Variants in RBFOX1 observed in about 807,000 individuals in gnomAD.
RBFOX1 encodes the protein RNA binding fox-1 homolog 1, also known as RNA binding protein fox-1 homolog 1.
RBFOX1 carries 8 observed loss-of-function variants against 57.7 expected under a neutral mutation model. The observed-to-expected ratio is 0.14, with a 90% CI of 0.08 to 0.25. The LOEUF is 0.25. RBFOX1 is among the 10% of genes least tolerant of loss of function. RBFOX1 has a pLI of 1.00. For synonymous variants in RBFOX1, 326 were observed against 222.4 expected (o/e 1.47, Z -4.15); for missense variants, 611 against 548.5 (o/e 1.11, Z -1.14).
intron 2 of RBFOX1, among the ~76,000 whole-genome samples, chr16:6,552,069 G>C (rs947817756): frequency 3.9e-5 from 6 of 152,168 alleles, no homozygotes; most frequent in Non-Finnish European, 8.8e-5. Flanking sequence ...CTTGGTAACA[G>C]GTTATGCTTT....
At chr16:7,073,748 A>T (rs1216599303) in intron 4 of RBFOX1, among the ~76,000 whole-genome samples, 1 of 152,140 alleles carries the variant, frequency 6.6e-6, no homozygotes, top group Non-Finnish European at 1.5e-5. Context: ...CCTTGGTACC[A>T]GTTACTCAGG....
At chr16:7,527,462 TC>T (rs2078958807) in intron 5 of RBFOX1, among the ~76,000 whole-genome samples, 1 of 152,146 alleles carries the variant, frequency 6.6e-6, no homozygotes, top group South Asian at 2.1e-4. Context: ...TGTTTGACGT[TC>T]TTTTTTGGAC....
chr16:5,377,596 G>C (rs137974446), intron 1 of RBFOX1, among the ~76,000 whole-genome samples: 2 of 150,678 alleles, frequency 1.3e-5, no homozygotes, highest in East Asian at 3.9e-4. Context: ...GGGAGAGAGA[G>C]AGAAAGAACA....
intron 2 of RBFOX1, among the ~76,000 whole-genome samples, chr16:6,590,035 C>T (rs2345606): frequency 0.95 from 144,198 of 152,180 alleles, 68,836 homozygotes; most frequent in East Asian, 1. Flanking sequence ...TTGGGGATCT[C>T]TTGGCCAAAA....
At chr16:7,414,881 A>G (rs565399166) in intron 4 of RBFOX1, among the ~76,000 whole-genome samples, 2 of 152,302 alleles carry the variant, frequency 1.3e-5, no homozygotes, top group East Asian at 3.9e-4. Context: ...GCCTTCTAAA[A>G]TGCTGGGATT....
At chr16:6,557,078 T>C (rs1049767387) in intron 2 of RBFOX1, among the ~76,000 whole-genome samples, 40 of 147,096 alleles carry the variant, frequency 2.7e-4, no homozygotes, top group Non-Finnish European at 4.2e-4. Flanking sequence ...CATATATACA[T>C]ATATACATAC....
intron 1 of RBFOX1, among the ~76,000 whole-genome samples, chr16:5,266,308 C>T (rs530195890): frequency 6.6e-6 from 1 of 152,210 alleles, no homozygotes; most frequent in African/African-American, 2.4e-5. Flanking sequence ...GATGCAGTAA[C>T]ACAACTCCCC....
At chr16:5,390,977 A>G (rs557362467) in intron 1 of RBFOX1, among the ~76,000 whole-genome samples, 62 of 152,266 alleles carry the variant, frequency 4.1e-4, no homozygotes, top group African/African-American at 8.2e-4. Context: ...AGCTAGACCA[A>G]TCCTGATGCT....
chr16:5,433,888 G>A (rs1110474), intron 1 of RBFOX1, among the ~76,000 whole-genome samples: 3 of 152,116 alleles, frequency 2.0e-5, no homozygotes, highest in East Asian at 1.9e-4. Flanking sequence ...GACCGAGGAC[G>A]TTAGAGACAA....
chr16:6,994,700 A>T (rs1210101222), intron 3 of RBFOX1, among the ~76,000 whole-genome samples: 1 of 152,196 alleles, frequency 6.6e-6, no homozygotes, highest in Non-Finnish European at 1.5e-5. Context: ...TCCTGGTTGT[A>T]TTCTGAAAGT....
At chr16:5,913,320 A>T (rs9934204) in intron 4 of RBFOX1, among the ~76,000 whole-genome samples, 6,969 of 152,260 alleles carry the variant, frequency 0.046, 572 homozygotes, top group African/African-American at 0.16. Flanking sequence ...TTGAATATTC[A>T]TCCCCTCCAA....
Position 6,355,805 on chromosome 16 carries a change from T to C in RBFOX1, c.-64+38748T>C, listed in dbSNP as rs932114785. 2.0e-5 allele frequency among the ~76,000 whole-genome samples: 3 copies of C among 152,244 alleles called. No homozygotes were observed. In the East Asian group the frequency reaches 5.8e-4, roughly 29 times the overall value. On this transcript the variant is annotated intron_variant, in intron 2 of 15. Coordinates refer to ENST00000550418, the MANE Select transcript of RBFOX1 (RefSeq NM_018723.4). ...ATCCTCTCCAGCTTCTTTTGTTTCC[T>C]GACTTTTTAATGTTCGCCCTTCGTA...
intron 2 of RBFOX1, among the ~76,000 whole-genome samples, chr16:6,466,291 T>A (rs906753675): frequency 2.6e-5 from 4 of 152,166 alleles, no homozygotes; most frequent in Non-Finnish European, 5.9e-5. Context: ...TATAATATTC[T>A]TGACTGCATC....
chr16:7,253,097 G>C (rs966800977), intron 4 of RBFOX1, among the ~76,000 whole-genome samples: 1 of 152,084 alleles, frequency 6.6e-6, no homozygotes, highest in Non-Finnish European at 1.5e-5. Context: ...AGCATCACTG[G>C]ACACAGCAAA....
intron 2 of RBFOX1, among the ~76,000 whole-genome samples, chr16:6,321,982 A>C (rs1433439037): frequency 6.6e-6 from 1 of 152,146 alleles, no homozygotes; most frequent in African/African-American, 2.4e-5. Context: ...ATAACACTTG[A>C]AATCAGTCCA....
rs372674235 is a variant in RBFOX1, at chr16:7,050,751, A to G, written c.-15-1306A>G. 4.1e-4 allele frequency among the ~76,000 whole-genome samples: 63 copies of G among 152,260 alleles called. 2 individuals carry two copies. In the South Asian group the frequency reaches 0.012, roughly 29 times the overall value. On this transcript the variant is annotated intron_variant, in intron 3 of 15. Coordinates refer to ENST00000550418, the MANE Select transcript of RBFOX1 (RefSeq NM_018723.4). The stretch of plus-strand genomic sequence containing the variant: ...TGTTATGCCATACTATCAGTATACT[A>G]TATTTTTTAATTTTTCCATTATCAC...
intron 1 of RBFOX1, among the ~76,000 whole-genome samples, chr16:6,047,853 A>G (rs1033869597): frequency 6.6e-6 from 1 of 152,160 alleles, no homozygotes; most frequent in Non-Finnish European, 1.5e-5. Context: ...ATGCATGAAA[A>G]AAATAAGTGT....
At chr16:7,036,200 A>AC (rs2044363375) in intron 3 of RBFOX1, among the ~76,000 whole-genome samples, 1 of 106,600 alleles carries the variant, frequency 9.4e-6, no homozygotes, top group Non-Finnish European at 2.1e-5. Context: ...GTTCACCTTG[A>AC]CATTTTTTTT....
At chr16:6,633,816 C>T (rs760361658) in intron 2 of RBFOX1, among the ~76,000 whole-genome samples, 4 of 152,016 alleles carry the variant, frequency 2.6e-5, no homozygotes, top group Non-Finnish European at 5.9e-5. Context: ...TGAGACTAGC[C>T]TGGGCAACAC....
Sources: gnomAD v4.1 joint callset for allele counts (sites outside exome capture counted in the v4.1 genomes callset) on GRCh38, gnomAD v4.1.1 for gene constraint, MANE v1.5 for transcripts, NCBI Gene and HGNC (gene_info 2026-07-23, HGNC 2026-07-21) for gene names.